The following ASAP1 variants were observed in gnomAD, a reference collection of about 807,000 sequenced individuals.
The protein encoded by ASAP1 is ArfGAP with SH3 domain, ankyrin repeat and PH domain 1, also known as arf-GAP with SH3 domain, ANK repeat and PH domain-containing protein 1.
ASAP1 carries 43 observed loss-of-function variants against 145.2 expected under a neutral mutation model. The observed-to-expected ratio is 0.30, with a 90% CI of 0.23 to 0.38. The LOEUF (loss-of-function observed/expected upper bound fraction) is 0.38, where lower values mean the gene tolerates loss of function less well. ASAP1 is among the 10% of genes least tolerant of loss of function. ASAP1 has a pLI of 1.00. For missense variants in ASAP1, 1,018 were observed against 1,355.3 expected (o/e 0.75, Z 3.91); for synonymous variants, 546 against 515.5 (o/e 1.06, Z -0.80).
intron 25 of ASAP1, among the ~76,000 whole-genome samples, chr8:130,088,255 C>T (rs574103063): frequency 3.3e-5 from 5 of 152,240 alleles, no homozygotes; most frequent in Admixed American, 6.5e-5. Flanking sequence ...CTTAGCCTCC[C>T]GAGTAGCTGG....
chr8:130,330,587 A>G (rs1824623749), intron 3 of ASAP1, among the ~76,000 whole-genome samples: 1 of 152,260 alleles, frequency 6.6e-6, no homozygotes, highest in African/African-American at 2.4e-5. Context: ...TGGCAGAATC[A>G]TGTTAAACTG....
intron 3 of ASAP1, chr8:130,246,987 T>C (rs917176885): frequency 7.2e-5 from 11 of 152,222 alleles, no homozygotes; most frequent in Non-Finnish European, 1.2e-4. Context: ...GGAAGAAACA[T>C]AGCCTATCAC....
chr8:130,236,274 T>C (rs985484796), intron 4 of ASAP1, among the ~76,000 whole-genome samples: 2 of 152,112 alleles, frequency 1.3e-5, no homozygotes, highest in Non-Finnish European at 2.9e-5. Flanking sequence ...GTTTCCAAGC[T>C]TCTCTTCTAC....
chr8:130,240,511 C>A (rs140813721), intron 3 of ASAP1, among the ~76,000 whole-genome samples: 1 of 151,900 alleles, frequency 6.6e-6, no homozygotes, highest in Non-Finnish European at 1.5e-5. Context: ...TCTGAAATGT[C>A]ATATATGTAA....
In ASAP1 at chr8:130,121,640, C is replaced by T. The variant is rs375557813; in HGVS notation, c.1607+2373G>A. ...TCTACTAAAAATACAAAAAACTAGT[C>T]GGGCATAGTGGCGCATGCCTGTAAT... On this transcript the variant is annotated intron_variant, in intron 18 of 29. Transcript: ENST00000518721. Among the ~76,000 whole-genome samples the T allele has an allele frequency of 1.2e-4, 18 of 151,862 alleles. No individual in the cohort carries two copies. The East Asian group carries it at 2.7e-3, about 23-fold the overall frequency.
rs779481105 is a variant in ASAP1 at position 130,061,017 on chromosome 8, G to A, written c.2754C>T (p.Pro918=). Residue 918 remains proline, a synonymous_variant, in exon 28 of 30, where the codon CCC becomes CCT. Coordinates refer to ENST00000518721, the MANE Select transcript of ASAP1 (RefSeq NM_018482.4). The stretch of plus-strand genomic sequence containing the variant: ...ACTGTGATGATTTCTGAAAGATTTC[G>A]GGCGGGATGGTGGCTTTGTCTAGGG... ...HLSLDKATIP[P]EIFQKSSQLA... is the part of the protein sequence containing the mutation. 1.4e-5 allele frequency: 21 copies of A among 1,550,512 alleles called. No individual in the cohort carries two copies. Among genetic ancestry groups the A allele is most frequent in the African/African-American group, 2.8e-5 (2 of 72,524 alleles).
chr8:130,343,727 C>T (rs1222681124), intron 3 of ASAP1, among the ~76,000 whole-genome samples: 1 of 152,022 alleles, frequency 6.6e-6, no homozygotes, highest in Non-Finnish European at 1.5e-5. Flanking sequence ...ACAACAGGTC[C>T]TCCCTTTGGT....
chr8:130,200,542 C>A (rs1199761315), intron 5 of ASAP1, among the ~76,000 whole-genome samples: 2 of 151,856 alleles, frequency 1.3e-5, no homozygotes, highest in Admixed American at 1.3e-4. Flanking sequence ...GCAGTATGAA[C>A]CCAATGTTAA....
intron 3 of ASAP1, among the ~76,000 whole-genome samples, chr8:130,326,311 T>G (rs941817634): frequency 6.6e-6 from 1 of 152,252 alleles, no homozygotes; most frequent in East Asian, 1.9e-4. Context: ...ACAGTACTCA[T>G]GCACCGACTT....
chr8:130,235,190 A>G (rs939832813), intron 4 of ASAP1, among the ~76,000 whole-genome samples: 1 of 152,140 alleles, frequency 6.6e-6, no homozygotes, highest in Non-Finnish European at 1.5e-5. Flanking sequence ...AGGGGTGTGT[A>G]GTAGTCTATT....
chr8:130,331,747 A>C (rs775121505), intron 3 of ASAP1, among the ~76,000 whole-genome samples: 3 of 152,172 alleles, frequency 2.0e-5, no homozygotes, highest in Non-Finnish European at 2.9e-5. Flanking sequence ...TAAAAATACA[A>C]GCAAAGCATT....
intron 2 of ASAP1, among the ~76,000 whole-genome samples, chr8:130,392,099 T>C (rs1013412585): frequency 2.0e-5 from 3 of 152,244 alleles, no homozygotes; most frequent in Admixed American, 6.5e-5. Context: ...GGAAAGACTG[T>C]AACTTATATA....
chr8:130,393,309 G>A (rs931240932), intron 2 of ASAP1, among the ~76,000 whole-genome samples: 1 of 152,196 alleles, frequency 6.6e-6, no homozygotes, highest in Admixed American at 6.5e-5. Context: ...GTGAGCATGA[G>A]TCTTTACTGA....
intron 3 of ASAP1, among the ~76,000 whole-genome samples, chr8:130,351,998 G>A (rs1342850570): frequency 1.3e-5 from 2 of 152,180 alleles, no homozygotes; most frequent in Non-Finnish European, 2.9e-5. Context: ...ACCTTTGCTG[G>A]TTTCATCCAG....
chr8:130,266,946 G>A (rs1262061579), intron 3 of ASAP1, among the ~76,000 whole-genome samples: 1 of 151,758 alleles, frequency 6.6e-6, no homozygotes, highest in African/African-American at 2.4e-5. Context: ...GAAAGAAAAA[G>A]TAGGATAATA....
chr8:130,306,505 C>T (rs1041445149), intron 3 of ASAP1, among the ~76,000 whole-genome samples: 1 of 152,104 alleles, frequency 6.6e-6, no homozygotes, highest in Non-Finnish European at 1.5e-5. Context: ...TAACATAAAG[C>T]CCCCAAGGAT....
chr8:130,129,606 T>A (rs182069303), intron 15 of ASAP1, among the ~76,000 whole-genome samples: 1 of 152,348 alleles, frequency 6.6e-6, no homozygotes, highest in African/African-American at 2.4e-5. Flanking sequence ...GAGTCTCTCA[T>A]TTTTTTGTAT....
intron 1 of ASAP1, among the ~76,000 whole-genome samples, chr8:130,414,127 G>A (rs1281515614): frequency 6.6e-6 from 1 of 152,208 alleles, no homozygotes; most frequent in Non-Finnish European, 1.5e-5. Flanking sequence ...ATGAACAGGA[G>A]TACACCAGAC....
At chr8:130,389,254 G>A (rs1828163544) in intron 2 of ASAP1, among the ~76,000 whole-genome samples, 2 of 152,178 alleles carry the variant, frequency 1.3e-5, no homozygotes, top group African/African-American at 2.4e-5. Flanking sequence ...GCACCACCCA[G>A]TAAGCTCTAG....
Sources: gnomAD v4.1 joint callset for allele counts (sites outside exome capture counted in the v4.1 genomes callset) on GRCh38, gnomAD v4.1.1 for gene constraint, MANE v1.5 for transcripts, NCBI Gene and HGNC (gene_info 2026-07-23, HGNC 2026-07-21) for gene names.